The following COX7B2 variants were observed in gnomAD, a reference collection of about 807,000 sequenced individuals.
COX7B2 encodes cytochrome c oxidase subunit 7B2, mitochondrial.
For missense variants in COX7B2, 109 were observed against 95.9 expected (o/e 1.14, Z -0.57); for synonymous variants, 37 against 32.1 (o/e 1.15, Z -0.51).
At chr4:46,905,915 C>T (rs1720361528) in intron 1 of COX7B2, among the ~76,000 whole-genome samples, 1 of 147,112 alleles carries the variant, frequency 6.8e-6, no homozygotes, top group South Asian at 2.2e-4. Flanking sequence ...CTGCAAGCTC[C>T]GCTTCCCGGG....
intron 2 of COX7B2, among the ~76,000 whole-genome samples, chr4:46,752,366 A>T (rs1715438758): frequency 1.3e-5 from 2 of 151,730 alleles, no homozygotes; most frequent in South Asian, 4.2e-4. Flanking sequence ...ATCTGCAAAC[A>T]GGGACAATTT....
At chr4:46,893,781 A>G (rs1719584221) in intron 1 of COX7B2, among the ~76,000 whole-genome samples, 1 of 152,184 alleles carries the variant, frequency 6.6e-6, no homozygotes, top group Non-Finnish European at 1.5e-5. Flanking sequence ...CTCTCTACAG[A>G]CAATGATATA....
intron 2 of COX7B2, among the ~76,000 whole-genome samples, chr4:46,799,284 T>C (rs182841289): frequency 5.3e-5 from 8 of 152,292 alleles, no homozygotes; most frequent in Admixed American, 2.6e-4. Context: ...GGTTTTCTAA[T>C]GATAAAATCA....
chr4:46,891,237 G>T (rs899255482), intron 1 of COX7B2, among the ~76,000 whole-genome samples: 2 of 152,168 alleles, frequency 1.3e-5, no homozygotes, highest in Non-Finnish European at 2.9e-5. Context: ...TCATATTTAA[G>T]TAGACATTTG....
intron 2 of COX7B2, among the ~76,000 whole-genome samples, chr4:46,800,310 A>G (rs1017676497): frequency 6.6e-6 from 1 of 152,176 alleles, no homozygotes; most frequent in African/African-American, 2.4e-5. Flanking sequence ...AGAACAGCCA[A>G]AGCAATCCTA....
At chr4:46,770,661 G>GAA (rs113406297) in intron 2 of COX7B2, among the ~76,000 whole-genome samples, 24,804 of 149,596 alleles carry the variant, frequency 0.17, 2,200 homozygotes, top group South Asian at 0.35. Flanking sequence ...AGAGAGACCA[G>GAA]AAAAAAAAAC....
chr4:46,738,457 C>A (rs1367840894), intron 2 of COX7B2, among the ~76,000 whole-genome samples: 1 of 152,068 alleles, frequency 6.6e-6, no homozygotes, highest in Non-Finnish European at 1.5e-5. Flanking sequence ...CTATAATAAA[C>A]AAACTGCAGT....
chr4:46,908,756 A>AAAAAAAAAAAC (rs1720559736), intron 1 of COX7B2, among the ~76,000 whole-genome samples: 2 of 151,156 alleles, frequency 1.3e-5, no homozygotes, highest in East Asian at 1.9e-4. Flanking sequence ...AAAAAAAAAA[A>AAAAAAAAAAAC]TCTGGCCGGG....
chr4:46,874,542 T>A (rs2036943), intron 1 of COX7B2, among the ~76,000 whole-genome samples: 44,050 of 152,064 alleles, frequency 0.29, 6,706 homozygotes, highest in Admixed American at 0.38. Flanking sequence ...ATATGGACCA[T>A]CATATCAATT....
intron 2 of COX7B2, among the ~76,000 whole-genome samples, chr4:46,754,742 A>ATATATATATATATATATATG (rs1322879572): frequency 1.5e-5 from 2 of 132,556 alleles, no homozygotes; most frequent in Non-Finnish European, 3.2e-5. Flanking sequence ...ATATATATAT[A>ATATATATATATATATATATG]TATATATGAA....
At chr4:46,777,420 G>C (rs1006870205) in intron 2 of COX7B2, among the ~76,000 whole-genome samples, 1 of 152,048 alleles carries the variant, frequency 6.6e-6, no homozygotes, top group Non-Finnish European at 1.5e-5. Context: ...GTGGTGGTGA[G>C]GAGAGAGTGA....
intron 1 of COX7B2, among the ~76,000 whole-genome samples, chr4:46,871,876 G>A (rs1426574849): frequency 6.6e-6 from 1 of 152,126 alleles, no homozygotes; most frequent in Non-Finnish European, 1.5e-5. Context: ...GTTGGTGGGA[G>A]TGTAAATTAT....
At chr4:46,896,172 A>G (rs1429691324) in intron 1 of COX7B2, among the ~76,000 whole-genome samples, 1 of 152,216 alleles carries the variant, frequency 6.6e-6, no homozygotes, top group Non-Finnish European at 1.5e-5. Context: ...GTATAAACTC[A>G]TATTTTATTC....
At chr4:46,853,176 G>C (rs1358225029) in intron 1 of COX7B2, among the ~76,000 whole-genome samples, 1 of 152,150 alleles carries the variant, frequency 6.6e-6, no homozygotes, top group Non-Finnish European at 1.5e-5. Context: ...CAATGGTGCT[G>C]TATTTGCTAG....
chr4:46,842,124 C>G (rs537761484), intron 2 of COX7B2, among the ~76,000 whole-genome samples: 2 of 152,116 alleles, frequency 1.3e-5, no homozygotes, highest in Non-Finnish European at 2.9e-5. Context: ...GTTGTCACTG[C>G]TATTATCAGC....
intron 1 of COX7B2, among the ~76,000 whole-genome samples, chr4:46,898,085 C>T (rs943966074): frequency 1.3e-5 from 2 of 152,122 alleles, no homozygotes; most frequent in Non-Finnish European, 2.9e-5. Flanking sequence ...GAAGTCTGAA[C>T]CTGTATCTCC....
At chr4:46,825,999 C>T (rs1221910090) in intron 2 of COX7B2, among the ~76,000 whole-genome samples, 1 of 152,284 alleles carries the variant, frequency 6.6e-6, no homozygotes, top group East Asian at 1.9e-4. Context: ...ATGCCAAAAG[C>T]TATTGCAACA....
At chr4:46,890,725 G>A (rs987037367) in intron 1 of COX7B2, among the ~76,000 whole-genome samples, 7 of 152,200 alleles carry the variant, frequency 4.6e-5, no homozygotes, top group African/African-American at 1.7e-4. Flanking sequence ...AACTCTGAAG[G>A]AGTGTTCTTA....
At chr4:46,759,228 G>A (rs764196907) in intron 2 of COX7B2, among the ~76,000 whole-genome samples, 1 of 151,972 alleles carries the variant, frequency 6.6e-6, no homozygotes, top group African/African-American at 2.4e-5. Context: ...GAGAAACGAG[G>A]CACCAGAAGC....
Sources: gnomAD v4.1 joint callset for allele counts (sites outside exome capture counted in the v4.1 genomes callset) on GRCh38, gnomAD v4.1.1 for gene constraint, MANE v1.5 for transcripts, NCBI Gene and HGNC (gene_info 2026-07-23, HGNC 2026-07-21) for gene names.